Variants in GLG1 observed in about 807,000 individuals in gnomAD.
GLG1 encodes the protein Golgi apparatus protein 1.
A neutral mutation model predicts 160.5 loss-of-function variants in GLG1; 38 were observed. The ratio of observed to expected loss-of-function variants is 0.24; its 90% confidence interval spans 0.18 to 0.31. The LOEUF (loss-of-function observed/expected upper bound fraction) is 0.31. GLG1 is among the 10% of genes least tolerant of loss of function. The pLI, the probability that GLG1 is intolerant of heterozygous loss-of-function variation, is 1.00. For synonymous variants in GLG1, 644 were observed against 543.4 expected (o/e 1.19, Z -2.57); for missense variants, 1,373 against 1,505.2 (o/e 0.91, Z 1.45).
intron 1 of GLG1, among the ~76,000 whole-genome samples, chr16:74,571,993 TA>T (rs2018841099): frequency 6.6e-6 from 1 of 152,130 alleles, no homozygotes; most frequent in Non-Finnish European, 1.5e-5. Context: ...TCAGAAGAGA[TA>T]ACTGTCTTTT....
intron 1 of GLG1, among the ~76,000 whole-genome samples, chr16:74,590,031 AGCTCTGTAG>A (rs1958137849): frequency 6.6e-6 from 1 of 151,984 alleles, no homozygotes; most frequent in Non-Finnish European, 1.5e-5. Flanking sequence ...GATGGAGTCT[AGCTCTGTAG>A]CCCAGGCTGG....
chr16:74,532,470 C>T (rs1332695746), intron 1 of GLG1, among the ~76,000 whole-genome samples: 1 of 152,090 alleles, frequency 6.6e-6, no homozygotes, highest in Non-Finnish European at 1.5e-5. Context: ...CTACAGGACA[C>T]TTTATAATTC....
intron 12 of GLG1, among the ~76,000 whole-genome samples, chr16:74,476,867 A>T (rs2015404533): frequency 6.6e-6 from 1 of 152,172 alleles, no homozygotes; most frequent in Admixed American, 6.5e-5. Flanking sequence ...CCATTTCTAC[A>T]TGTTTTTTGG....
intron 15 of GLG1, among the ~76,000 whole-genome samples, chr16:74,470,566 A>T (rs1047604030): frequency 8.2e-5 from 12 of 145,924 alleles, no homozygotes; most frequent in Non-Finnish European, 1.8e-4. Context: ...CTCCTGCCTC[A>T]GTCTCCCGAG....
chr16:74,512,087 C>G (rs1160176421), intron 2 of GLG1, among the ~76,000 whole-genome samples: 1 of 151,972 alleles, frequency 6.6e-6, no homozygotes, highest in Non-Finnish European at 1.5e-5. Context: ...AAGCCCACAC[C>G]CATTCTGTCA....
intron 1 of GLG1, among the ~76,000 whole-genome samples, chr16:74,586,014 G>A (rs1958042626): frequency 7.0e-6 from 1 of 143,522 alleles, no homozygotes; most frequent in Admixed American, 7.1e-5. Flanking sequence ...AGTGAGCCGA[G>A]ATCACACCAC....
intron 14 of GLG1, 151 bp from the exon 15 acceptor site, chr16:74,471,437 G>T: frequency 1.6e-6 from 1 of 620,588 alleles, no homozygotes; most frequent in South Asian, 2.0e-5. Context: ...TAAGCCTGAA[G>T]AATCACAATG....
At chr16:74,490,779 T>C (rs1388939424) in intron 8 of GLG1, among the ~76,000 whole-genome samples, 1 of 152,204 alleles carries the variant, frequency 6.6e-6, no homozygotes, top group African/African-American at 2.4e-5. Context: ...AAGAAGACAA[T>C]TCTTTTTATT....
chr16:74,496,074 G>T lies in GLG1; in HGVS notation c.978+367C>A, dbSNP rs534390777. On this transcript the variant is annotated intron_variant, in intron 5 of 25. Transcript: ENST00000422840. ...AGGCCAGGGGTTCAAGACCAGTCCG[G>T]GCAATACAGCAATGCCCCATCTCTA... Among the ~76,000 whole-genome samples the T allele has an allele frequency of 2.0e-5, 3 of 152,210 alleles. No individual in the cohort carries two copies. The South Asian group carries it at 6.2e-4, about 32-fold the overall frequency.
chr16:74,573,204 A>C (rs1007680416), intron 1 of GLG1, among the ~76,000 whole-genome samples: 1 of 151,978 alleles, frequency 6.6e-6, no homozygotes, highest in African/African-American at 2.4e-5. Flanking sequence ...ATTTCTAGAC[A>C]AAAAAACCCT....
chr16:74,491,024 G>A lies in GLG1; in HGVS notation c.1426C>T (p.Leu476Phe), dbSNP rs774350675. 1 of 1,613,798 alleles carries A rather than the reference G, an allele frequency of 6.2e-7. No individual in the cohort carries two copies. The highest frequency in any genetic ancestry group is 8.5e-7 in the Non-Finnish European group (1 of 1,179,688). Reference protein sequence around the residue: ...MKVVRGEKGNLGMNCQQALQT... With the variant: ...MKVVRGEKGNFGMNCQQALQT... ...ACCGCCTGCTGGCAGTTCATTCCAA[G>A]GTTCCCCTTCTCCCCTCGAACTACT... Residue 476 changes from leucine to phenylalanine, a missense_variant, in exon 8 of 26, where the codon CTT becomes TTT. By Grantham distance (22) the Leu-to-Phe change is conservative (BLOSUM62 0). Coordinates refer to ENST00000422840, the MANE Select transcript of GLG1 (RefSeq NM_001145667.2).
At chr16:74,599,489 G>A (rs527509112) in intron 1 of GLG1, among the ~76,000 whole-genome samples, 5 of 152,276 alleles carry the variant, frequency 3.3e-5, no homozygotes, top group East Asian at 1.9e-4. Context: ...AGGCCAAGGC[G>A]GGTGGGATTA....
At chr16:74,587,403 A>T (rs1264101699) in intron 1 of GLG1, among the ~76,000 whole-genome samples, 1 of 152,198 alleles carries the variant, frequency 6.6e-6, no homozygotes, top group Non-Finnish European at 1.5e-5. Flanking sequence ...AAGAGTGAGA[A>T]TAAAGAGTTC....
In GLG1 at chr16:74,452,125, T is replaced by C. The variant is rs1215524887; in HGVS notation, c.*1042A>G. On this transcript the variant is annotated 3_prime_UTR_variant, in exon 26 of 26. Transcript: ENST00000422840. ...TATAAGCCATTGTCTCTGACCTGTATTGTAGCCTGAAAAATAAAGCAAAGT... is the reference window on the plus strand; with the variant it reads ...TATAAGCCATTGTCTCTGACCTGTACTGTAGCCTGAAAAATAAAGCAAAGT... 1 of 1,614,024 alleles carries C rather than the reference T, an allele frequency of 6.2e-7. No homozygotes were observed. The highest frequency in any genetic ancestry group is 8.5e-7 in the Non-Finnish European group (1 of 1,179,908).
At chr16:74,525,527 C>G (rs2017307835) in intron 2 of GLG1, among the ~76,000 whole-genome samples, 1 of 151,040 alleles carries the variant, frequency 6.6e-6, no homozygotes, top group Non-Finnish European at 1.5e-5. Flanking sequence ...AACTCCTGGC[C>G]TCAAACTATC....
chr16:74,508,889 G>A lies in GLG1; in HGVS notation c.508C>T (p.Pro170Ser), dbSNP rs752206213. ...WNYKLNLTTD[P>S]KFESVAREVC... is the part of the protein sequence containing the mutation. ...TCTCTGGCCACAGATTCAAATTTGG[G>A]ATCTGTAGTTAGGTTCAGCTTATAA... Residue 170 changes from proline to serine, a missense_variant, in exon 3 of 26, where the codon CCC becomes TCC. By Grantham distance (74) the Pro-to-Ser change is moderately conservative. Transcript: ENST00000422840. 125 of 1,531,010 alleles carry A rather than the reference G, an allele frequency of 8.2e-5. 1 individual carries two copies. Among genetic ancestry groups the A allele is most frequent in the Admixed American group, 2.5e-4 (15 of 59,758 alleles). 94.8% of individuals were successfully genotyped at this position (1,531,010 alleles called of 1,614,324 possible).
At chr16:74,474,677 A>G (rs2015334294) in intron 12 of GLG1, 45 bp from the exon 13 acceptor site, 1 of 878,894 alleles carries the variant, frequency 1.1e-6, no homozygotes, top group Non-Finnish European at 2.0e-6. Flanking sequence ...AGTCACATAC[A>G]TGAACAAGGC....
intron 12 of GLG1, 44 bp downstream of exon 12, chr16:74,477,352 A>G: frequency 6.9e-7 from 1 of 1,454,718 alleles, no homozygotes; most frequent in Non-Finnish European, 9.7e-7. Context: ...TTAAACATTA[A>G]CATCATCATT....
At chr16:74,595,491 C>G (rs937083580) in intron 1 of GLG1, among the ~76,000 whole-genome samples, 1 of 152,052 alleles carries the variant, frequency 6.6e-6, no homozygotes, top group Non-Finnish European at 1.5e-5. Context: ...GAGCCAAGAT[C>G]GCGCCACTGC....
Sources: allele counts gnomAD v4.1 joint callset (sites outside exome capture counted in the v4.1 genomes callset), GRCh38; gene constraint gnomAD v4.1.1; transcripts MANE v1.5; gene names NCBI Gene and HGNC (gene_info 2026-07-23, HGNC 2026-07-21).